Variants in RP1 observed in about 807,000 individuals in gnomAD.
RP1 encodes the protein oxygen-regulated protein 1.
A neutral mutation model predicts 14.8 loss-of-function variants in RP1; 16 were observed. The observed-to-expected ratio is 1.08, with a 90% confidence interval of 0.73 to 1.65. The LOEUF is 1.65. Ranked by LOEUF, RP1 falls within the 40% of genes most tolerant of loss-of-function variation. The probability of loss-of-function intolerance (pLI) is 0.00; values close to 1 mark genes in which losing one functional copy is unlikely to be tolerated. For missense variants in RP1, 2,631 were observed against 2,535.0 expected (o/e 1.04, Z -0.81); for synonymous variants, 876 against 883.6 (o/e 0.99, Z 0.15).
At chr8:54,778,699 A>C (rs536195469) in intron 23 of RP1, among the ~76,000 whole-genome samples, 1 of 152,208 alleles carries the variant, frequency 6.6e-6, no homozygotes, top group South Asian at 2.1e-4. Context: ...GAAAGAGAGG[A>C]CATTTTGGCT....
In RP1 at chr8:54,629,710, T is replaced by C. The variant is rs1776511551; in HGVS notation, c.5828T>C (p.Ile1943Thr). ...TTTGCATATCGCAAAGAATCTGATA[T>C]TGAAAATTTCTTGGGTTTTTATTTA... Reference protein sequence around the residue: ...RGFAYRKESDIENFLGFYLWM... With the variant: ...RGFAYRKESDTENFLGFYLWM... The change falls in exon 4 of 4, where the codon ATT (isoleucine) becomes ACT (threonine). Residue 1943 changes from isoleucine (I) to threonine (T), a missense_variant. By Grantham distance (89) the Ile-to-Thr change is moderately conservative. Coordinates refer to ENST00000220676, the MANE Select transcript of RP1 (RefSeq NM_006269.2). 1.2e-6 allele frequency: 2 copies of C among 1,612,448 alleles called. No individual in the cohort carries two copies. The highest frequency in any genetic ancestry group is 1.7e-6 in the Non-Finnish European group (2 of 1,179,294).
rs540281242 is a variant in RP1 at position 54,687,088 on chromosome 8, CT to C, written c.1717+7162del. Among the ~76,000 whole-genome samples, 54 of 152,054 alleles carry C rather than the reference CT, an allele frequency of 3.6e-4. 1 individual carries two copies. The South Asian group carries it at 0.011, about 32-fold the overall frequency. On this transcript the variant is annotated intron_variant, in intron 12 of 22. Transcript: ENST00000636932. ...ACATGGAAAAGATAATTGCATTTTT[CT>C]TTTTTTATTATTAAAAAGAATCTTT...
intron 7 of RP1, among the ~76,000 whole-genome samples, chr8:54,665,955 C>T (rs1807007773): frequency 6.6e-6 from 1 of 152,120 alleles, no homozygotes; most frequent in African/African-American, 2.4e-5. Context: ...CAGGAGAAAG[C>T]TGCTGGAAGT....
intron 18 of RP1, among the ~76,000 whole-genome samples, chr8:54,737,836 AGTCCATAG>A (rs1808971150): frequency 6.6e-6 from 1 of 152,182 alleles, no homozygotes; most frequent in African/African-American, 2.4e-5. Flanking sequence ...TTCAGGGTCT[AGTCCATAG>A]GTAGGCAATG....
intron 8 of RP1, among the ~76,000 whole-genome samples, chr8:54,677,003 A>C (rs1308012415): frequency 6.6e-6 from 1 of 151,876 alleles, no homozygotes; most frequent in African/African-American, 2.4e-5. Flanking sequence ...TATGTGAATC[A>C]TCTGTGGCAG....
chr8:54,585,660 A>C (rs74340888), intron 1 of RP1, among the ~76,000 whole-genome samples: 59 of 152,152 alleles, frequency 3.9e-4, no homozygotes, highest in Middle Eastern at 6.8e-3. Flanking sequence ...TGGTCTTTTC[A>C]CATAGTCCTA....
chr8:54,627,284 G>A lies in RP1; in HGVS notation c.3402G>A (p.Leu1134=). The A allele has an allele frequency of 6.2e-7, 1 of 1,614,058 alleles. No homozygotes were observed. The highest frequency in any genetic ancestry group is 8.5e-7 in the Non-Finnish European group (1 of 1,179,958). ...CTAATCTCCTTCTAGCTTGGCTCTT[G>A]GTGCTAAACCTAAAGGGAAGTATGA... is the stretch of plus-strand genomic sequence containing the variant. ...SSTNLLLAWL[L]VLNLKGSMNS... Residue 1134 remains leucine (L), a synonymous_variant, in exon 4 of 4, where the codon TTG becomes TTA. Transcript: ENST00000220676.
chr8:54,865,871 C>A, exon 28 of RP1: 1 of 1,229,960 alleles, frequency 8.1e-7, no homozygotes, highest in Non-Finnish European at 1.0e-6. Context: ...GTTGTTAAGT[C>A]TGAAGATGAA....
intron 24 of RP1, among the ~76,000 whole-genome samples, chr8:54,817,280 T>C (rs1443320920): frequency 6.6e-6 from 1 of 152,124 alleles, no homozygotes; most frequent in African/African-American, 2.4e-5. Context: ...ACTGAATACA[T>C]GGCTAAGAAC....
intron 19 of RP1, among the ~76,000 whole-genome samples, chr8:54,749,868 T>A (rs1809315812): frequency 6.6e-6 from 1 of 151,842 alleles, no homozygotes; most frequent in African/African-American, 2.4e-5. Context: ...GTTTCTTTTT[T>A]TTTTTTTGAA....
chr8:54,805,244 T>C (rs1212407786), intron 24 of RP1, among the ~76,000 whole-genome samples: 2 of 152,232 alleles, frequency 1.3e-5, no homozygotes, highest in African/African-American at 4.8e-5. Flanking sequence ...TTTCAATAAA[T>C]ATGCTTATTT....
chr8:54,597,471 T>G (rs556326102), intron 1 of RP1, among the ~76,000 whole-genome samples: 1 of 152,286 alleles, frequency 6.6e-6, no homozygotes, highest in South Asian at 2.1e-4. Context: ...TTTATATGTT[T>G]TAGAAATGGG....
chr8:54,559,647 G>A (rs146338770), intron 1 of RP1, among the ~76,000 whole-genome samples: 112 of 152,322 alleles, frequency 7.4e-4, no homozygotes, highest in African/African-American at 2.5e-3. Context: ...CGTGGGCCAT[G>A]TATACGACTT....
At chr8:54,645,782 C>A (rs1030241097) in intron 3 of RP1, among the ~76,000 whole-genome samples, 6 of 152,086 alleles carry the variant, frequency 3.9e-5, no homozygotes, top group Non-Finnish European at 7.4e-5. Flanking sequence ...ACAAAATTCA[C>A]CACTGAAGCC....
chr8:54,809,071 C>T (rs371997627), intron 24 of RP1, among the ~76,000 whole-genome samples: 1 of 152,230 alleles, frequency 6.6e-6, no homozygotes, highest in East Asian at 1.9e-4. Flanking sequence ...CTTGGCACTT[C>T]AACCTATGTT....
rs114526797 is a variant in RP1, at chr8:54,781,148, C to T, written c.3452-2399C>T. The T allele has an allele frequency of 7.2e-3, 3,599 of 503,214 alleles. 135 individuals are homozygous for T. The highest frequency in any genetic ancestry group is 0.07 in the African/African-American group (3,339 of 47,874). 31.2% of individuals were successfully genotyped at this position (503,214 alleles called of 1,614,324 possible). A position where few individuals can be genotyped will look rare whatever the true frequency, so the allele number is the denominator to read the frequency against. ...ATGAAAGACATTGCTATAGTATCTC[C>T]CCCAATTTAAGCTTGGAAAAGAGAA... On this transcript the variant is annotated intron_variant, in intron 23 of 28. Coordinates refer to the RP1 transcript ENST00000637698.
At position 54,693,831 on chromosome 8, in the gene RP1, C is replaced by T. The variant is rs1405567186; in HGVS notation, c.1718-5636C>T. ...TTATTTCCTTCTCCTGCCTAATTGCCCTGGCCAGAACTTCCAACACTATGT... is the reference window on the plus strand; with the variant it reads ...TTATTTCCTTCTCCTGCCTAATTGCTCTGGCCAGAACTTCCAACACTATGT... On this transcript the variant is annotated intron_variant, in intron 12 of 22. Transcript: ENST00000636932. 3.3e-5 allele frequency among the ~76,000 whole-genome samples: 5 copies of T among 152,176 alleles called. No homozygotes were observed. The East Asian group carries it at 9.7e-4, about 29-fold the overall frequency.
chr8:54,713,235 G>T (rs1808330773), intron 15 of RP1, among the ~76,000 whole-genome samples: 3 of 152,254 alleles, frequency 2.0e-5, no homozygotes, highest in Admixed American at 1.3e-4. Flanking sequence ...CTGTTACCAT[G>T]AAATTTTTAT....
At chr8:54,693,554 C>T (rs940020969) in intron 12 of RP1, among the ~76,000 whole-genome samples, 4 of 152,084 alleles carry the variant, frequency 2.6e-5, no homozygotes, top group African/African-American at 9.7e-5. Flanking sequence ...AGTTGAATTC[C>T]TAGATATTTT....
Sources: gnomAD v4.1 joint callset for allele counts (sites outside exome capture counted in the v4.1 genomes callset) on GRCh38, gnomAD v4.1.1 for gene constraint, MANE v1.5 for transcripts, NCBI Gene and HGNC (gene_info 2026-07-23, HGNC 2026-07-21) for gene names.